USP49: variants seen among roughly 807,000 people sequenced by gnomAD.
USP49 encodes ubiquitin specific peptidase 49, also known as ubiquitin carboxyl-terminal hydrolase 49.
USP49 carries 24 observed loss-of-function variants against 58.6 expected under a neutral mutation model. The observed-to-expected ratio is 0.41, with a 90% CI of 0.30 to 0.58. The LOEUF (loss-of-function observed/expected upper bound fraction) is 0.58, where lower values mean the gene tolerates loss of function less well. USP49 is among the 20% of genes least tolerant of loss of function. The pLI is 0.30. For missense variants in USP49, 703 were observed against 866.1 expected (o/e 0.81, Z 2.36); for synonymous variants, 408 against 365.1 (o/e 1.12, Z -1.34).
intron 3 of USP49, among the ~76,000 whole-genome samples, chr6:41,811,060 AAT>A (rs1166191965): frequency 6.6e-6 from 1 of 152,200 alleles, no homozygotes; most frequent in Non-Finnish European, 1.5e-5. Flanking sequence ...CAAATAAATA[AAT>A]ATACTGCAGG....
At chr6:41,858,138 T>C (rs1036765366) in intron 3 of USP49, among the ~76,000 whole-genome samples, 1 of 152,160 alleles carries the variant, frequency 6.6e-6, no homozygotes, top group Admixed American at 6.6e-5. Flanking sequence ...GGTATCTTCC[T>C]GGCTGCTGAA....
chr6:41,835,290 T>C (rs974826191), intron 3 of USP49, among the ~76,000 whole-genome samples: 4 of 152,224 alleles, frequency 2.6e-5, no homozygotes, highest in African/African-American at 9.6e-5. Context: ...GCTCATGCCA[T>C]TAACATTTCC....
intron 2 of USP49, among the ~76,000 whole-genome samples, chr6:41,875,143 C>T (rs1049665996): frequency 6.6e-6 from 1 of 151,776 alleles, no homozygotes; most frequent in Admixed American, 6.6e-5. Flanking sequence ...GATCTGTTAT[C>T]TTAAAAATAC....
intron 2 of USP49, among the ~76,000 whole-genome samples, chr6:41,882,642 C>T (rs552738546): frequency 3.9e-5 from 6 of 152,230 alleles, no homozygotes; most frequent in South Asian, 2.1e-4. Context: ...GGCAGCCACG[C>T]GCAGTGGCTC....
At chr6:41,832,891 T>C (rs9381094) in intron 3 of USP49, 29,780 of 152,254 alleles carry the variant, frequency 0.2, 3,322 homozygotes, top group East Asian at 0.29. Context: ...AGTTTATTCC[T>C]GCTGGGTGTC....
intron 3 of USP49, among the ~76,000 whole-genome samples, chr6:41,841,354 A>C (rs1267275003): frequency 1.3e-5 from 2 of 152,170 alleles, no homozygotes; most frequent in Non-Finnish European, 2.9e-5. Context: ...CCATCCAGAG[A>C]AGCTTATTCT....
intron 3 of USP49, among the ~76,000 whole-genome samples, chr6:41,831,088 T>C (rs1345597200): frequency 2.6e-5 from 4 of 151,020 alleles, no homozygotes; most frequent in African/African-American, 7.3e-5. Context: ...GAAACCCCGT[T>C]TCTACTAAAA....
intron 3 of USP49, among the ~76,000 whole-genome samples, chr6:41,857,450 G>A (rs747310037): frequency 2.6e-5 from 4 of 152,106 alleles, no homozygotes; most frequent in Non-Finnish European, 5.9e-5. Flanking sequence ...TTCAAGACCA[G>A]CCTGGACAAC....
At chr6:41,894,934 C>T (rs1191477275) in intron 1 of USP49, among the ~76,000 whole-genome samples, 3 of 151,824 alleles carry the variant, frequency 2.0e-5, no homozygotes, top group Admixed American at 6.6e-5. Context: ...CTTCCTTTCC[C>T]TCTCCCTTCA....
chr6:41,797,619 G>T, intron 7 of USP49: 1 of 985,838 alleles, frequency 1.0e-6, no homozygotes, highest in Non-Finnish European at 1.2e-6. Context: ...GGCAGGGGAA[G>T]TAGTAAGAAC....
At chr6:41,883,030 T>C (rs376779318) in intron 2 of USP49, among the ~76,000 whole-genome samples, 1 of 152,060 alleles carries the variant, frequency 6.6e-6, no homozygotes, top group Non-Finnish European at 1.5e-5. Context: ...TTATATATAT[T>C]AAGGAGTTCT....
chr6:41,888,414 G>A (rs1292970809), intron 2 of USP49, among the ~76,000 whole-genome samples: 1 of 151,700 alleles, frequency 6.6e-6, no homozygotes, highest in East Asian at 1.9e-4. Context: ...TTAAAGAGTG[G>A]GGAAAAAAGG....
chr6:41,855,971 C>G (rs1774123332), intron 3 of USP49, among the ~76,000 whole-genome samples: 1 of 151,878 alleles, frequency 6.6e-6, no homozygotes, highest in African/African-American at 2.4e-5. Context: ...TCGCTTGAAC[C>G]CGGGAAGCAG....
intron 7 of USP49, chr6:41,797,917 G>T: frequency 4.1e-6 from 3 of 729,484 alleles, no homozygotes; most frequent in Non-Finnish European, 3.4e-6. Flanking sequence ...GCCCAGGCTA[G>T]AATGCAGTGG....
chr6:41,883,455 G>A (rs1192242), intron 2 of USP49, among the ~76,000 whole-genome samples: 3 of 148,718 alleles, frequency 2.0e-5, no homozygotes, highest in South Asian at 2.1e-4. Context: ...TCAGGAGTTC[G>A]AAACCAGCCT....
At chr6:41,884,823 A>G (rs1302272122) in intron 2 of USP49, among the ~76,000 whole-genome samples, 1 of 152,238 alleles carries the variant, frequency 6.6e-6, no homozygotes, top group African/African-American at 2.4e-5. Context: ...AATTTACAGT[A>G]GCATATAATA....
intron 2 of USP49, among the ~76,000 whole-genome samples, chr6:41,875,839 C>T (rs1249077104): frequency 6.6e-6 from 1 of 152,104 alleles, no homozygotes; most frequent in African/African-American, 2.4e-5. Flanking sequence ...TCAAGTGATT[C>T]TCCTGCCTCA....
intron 3 of USP49, among the ~76,000 whole-genome samples, chr6:41,836,929 C>T (rs912564977): frequency 2.0e-5 from 3 of 151,754 alleles, no homozygotes; most frequent in East Asian, 3.9e-4. Context: ...ATCTCTACAG[C>T]GAGAATTACA....
chr6:41,878,592 T>C (rs1035019017), intron 2 of USP49, among the ~76,000 whole-genome samples: 2 of 152,230 alleles, frequency 1.3e-5, no homozygotes, highest in Non-Finnish European at 2.9e-5. Context: ...CTGCTTCTTA[T>C]ATGTCCCACA....
Sources: gnomAD v4.1 joint callset for allele counts (sites outside exome capture counted in the v4.1 genomes callset) on GRCh38, gnomAD v4.1.1 for gene constraint, MANE v1.5 for transcripts, NCBI Gene and HGNC (gene_info 2026-07-23, HGNC 2026-07-21) for gene names.